FAM178B: variants seen among roughly 807,000 people sequenced by gnomAD.
FAM178B encodes the protein protein FAM178B.
A neutral mutation model predicts 91.7 loss-of-function variants in FAM178B; 82 were observed. The observed-to-expected ratio is 0.89, with a 90% CI of 0.75 to 1.07. The LOEUF (loss-of-function observed/expected upper bound fraction) is 1.07, where lower values mean the gene tolerates loss of function less well. Among genes scored for constraint, FAM178B ranks in the 50% least tolerant of loss-of-function variants. FAM178B has a pLI of 0.00. For missense variants in FAM178B, 769 were observed against 846.7 expected (o/e 0.91, Z 1.14); for synonymous variants, 368 against 359.4 (o/e 1.02, Z -0.27).
At chr2:96,897,689 G>A (rs759372019) in intron 13 of FAM178B, among the ~76,000 whole-genome samples, 4 of 152,164 alleles carry the variant, frequency 2.6e-5, no homozygotes, top group Non-Finnish European at 5.9e-5. Flanking sequence ...TGTTTCTCCA[G>A]GCCAAACCAC....
intron 1 of FAM178B, among the ~76,000 whole-genome samples, chr2:96,978,909 G>A (rs1383372753): frequency 1.3e-5 from 2 of 150,708 alleles, no homozygotes; most frequent in African/African-American, 2.4e-5. Flanking sequence ...ACAGGTGTGA[G>A]CCACTGCACC....
intron 9 of FAM178B, among the ~76,000 whole-genome samples, chr2:96,925,517 A>C (rs1281617947): frequency 1.3e-5 from 2 of 152,200 alleles, no homozygotes; most frequent in African/African-American, 4.8e-5. Context: ...CTGATCCCCG[A>C]AACTCCACCA....
chr2:96,880,417 G>C (rs1037022400), intron 14 of FAM178B, among the ~76,000 whole-genome samples: 1 of 152,294 alleles, frequency 6.6e-6, no homozygotes. Context: ...GTGCCTGGGG[G>C]AGGCAGGTGA....
intron 13 of FAM178B, among the ~76,000 whole-genome samples, chr2:96,901,176 CTTTTTTT>C (rs1195230304): frequency 1.4e-4 from 19 of 132,472 alleles, no homozygotes; most frequent in South Asian, 4.9e-4. Context: ...ATTCTTTTTT[CTTTTTTT>C]TTTTTTTTTT....
chr2:96,967,612 C>T lies in FAM178B; in HGVS notation c.642G>A (p.Glu214=). Residue 214 remains glutamate, a synonymous_variant, in exon 5 of 17, where the codon GAG becomes GAA. Coordinates refer to ENST00000490605, the MANE Select transcript of FAM178B (RefSeq NM_001122646.3). ...LLQEKREQAL[E]QERERLLLQE... The stretch of plus-strand genomic sequence containing the variant: ...GCAGAAGCAGCCTCTCTCGCTCCTG[C>T]TCCAGGGCCTGTTCCCTATAGGAAG... 6.5e-7 allele frequency: 1 copy of T among 1,549,500 alleles called. No homozygotes were observed. The highest frequency in any genetic ancestry group is 8.7e-7 in the Non-Finnish European group (1 of 1,146,490).
intron 8 of FAM178B, 21 bp from the exon 9 acceptor site, chr2:96,929,341 A>G: frequency 6.6e-7 from 1 of 1,519,438 alleles, no homozygotes; most frequent in South Asian, 1.2e-5. Flanking sequence ...AAAAGGGAGC[A>G]GAGAGTTAGA....
chr2:96,889,592 C>T (rs933309536), intron 14 of FAM178B, among the ~76,000 whole-genome samples: 3 of 151,582 alleles, frequency 2.0e-5, no homozygotes, highest in African/African-American at 4.9e-5. Flanking sequence ...GCAGGAGAAT[C>T]GCTTGAACCT....
chr2:96,936,324 C>T lies in FAM178B; in HGVS notation c.1079-7004G>A, dbSNP rs1171725508. On this transcript the variant is annotated intron_variant, in intron 8 of 16. Coordinates refer to ENST00000490605, the MANE Select transcript of FAM178B (RefSeq NM_001122646.3). The stretch of plus-strand genomic sequence containing the variant: ...TCACACCATTCTCCTGCCTCAGCCT[C>T]CCGAGTAGCTGGAACTACAGGCGCC... 2.6e-5 allele frequency among the ~76,000 whole-genome samples: 4 copies of T among 152,116 alleles called. No individual in the cohort carries two copies. In the East Asian group the frequency reaches 5.8e-4, roughly 22 times the overall value.
intron 9 of FAM178B, among the ~76,000 whole-genome samples, chr2:96,926,641 CTCA>C (rs56863751): frequency 0.089 from 13,511 of 152,198 alleles, 1,134 homozygotes; most frequent in African/African-American, 0.23. Context: ...CCTCCCCAGT[CTCA>C]TCATTGAGCA....
At chr2:96,976,895 T>C (rs970009051) in intron 1 of FAM178B, among the ~76,000 whole-genome samples, 4 of 150,906 alleles carry the variant, frequency 2.7e-5, no homozygotes, top group African/African-American at 9.7e-5. Context: ...TAAAACCTTC[T>C]AGAGAAACTC....
intron 5 of FAM178B, among the ~76,000 whole-genome samples, chr2:96,961,775 C>T (rs1356189225): frequency 6.6e-6 from 1 of 152,098 alleles, no homozygotes; most frequent in African/African-American, 2.4e-5. Flanking sequence ...ACCTGTCTCA[C>T]TTTCTGGCCA....
rs1406763480 is a variant in FAM178B, at chr2:96,921,692, G to A, written c.1288-38C>T. The stretch of plus-strand genomic sequence containing the variant: ...AAGAGGGCAGGGGTGGCCAGGGCAT[G>A]GGGGAACGGGAGAGTACTTCGAGGA... On this transcript the variant is annotated intron_variant, in intron 10 of 16. Coordinates refer to ENST00000490605, the MANE Select transcript of FAM178B (RefSeq NM_001122646.3). 2.6e-6 allele frequency: 4 copies of A among 1,543,600 alleles called. No individual in the cohort carries two copies. The African/African-American group carries it at 4.1e-5, about 16-fold the overall frequency.
Position 96,955,130 on chromosome 2 carries a change from C to T in FAM178B, c.888-3646G>A, listed in dbSNP as rs181269571. On this transcript the variant is annotated intron_variant, in intron 6 of 16. Coordinates refer to ENST00000490605, the MANE Select transcript of FAM178B (RefSeq NM_001122646.3). ...CCTGTAATCCCAGCACTTTGGGAGG[C>T]CAAGGCAGGTGGATCACCTGAGGTT... Among the ~76,000 whole-genome samples, 6 of 152,312 alleles carry T rather than the reference C, an allele frequency of 3.9e-5. No homozygotes were observed. The East Asian group carries it at 9.7e-4, about 25-fold the overall frequency.
At position 96,877,884 on chromosome 2, in the gene FAM178B, C is replaced by G; in HGVS notation, c.2007+6G>C. On this transcript the variant is annotated splice_donor_region_variant and intron_variant, in intron 16 of 16. Transcript: ENST00000490605. The stretch of plus-strand genomic sequence containing the variant: ...TCCCAGGTCTGGGGGCTAGAGGGGG[C>G]ACCACCTGGGGCTGGCAGTGGGTCA... The G allele has an allele frequency of 6.2e-7, 1 of 1,612,064 alleles. No homozygotes were observed. Among genetic ancestry groups the G allele is most frequent in the East Asian group, 2.2e-5 (1 of 44,884 alleles).
At chr2:96,942,108 A>C (rs1266456436) in intron 8 of FAM178B, among the ~76,000 whole-genome samples, 1 of 152,242 alleles carries the variant, frequency 6.6e-6, no homozygotes, top group African/African-American at 2.4e-5. Context: ...TCTACTTATA[A>C]CAGCACCAAA....
At chr2:96,919,355 C>A (rs2081294997) in intron 12 of FAM178B, among the ~76,000 whole-genome samples, 2 of 152,150 alleles carry the variant, frequency 1.3e-5, no homozygotes. Context: ...CATGGTAAGG[C>A]AGAGACGTGA....
chr2:96,936,075 G>A (rs958823010), intron 8 of FAM178B, among the ~76,000 whole-genome samples: 10 of 152,098 alleles, frequency 6.6e-5, no homozygotes, highest in Non-Finnish European at 1.3e-4. Flanking sequence ...GTGGGTGGGA[G>A]TGGAGAATGA....
chr2:96,893,949 C>T lies in FAM178B; in HGVS notation c.1753G>A (p.Ala585Thr). The T allele has an allele frequency of 6.2e-7, 1 of 1,612,892 alleles. No individual in the cohort carries two copies. The highest frequency in any genetic ancestry group is 1.1e-5 in the South Asian group (1 of 91,054). ...LPPCQEQQPK[A>T]SAELDHKACY... is the part of the protein sequence containing the mutation. ...ACCTTGTGGTCTAGCTCGGCACTAG[C>T]CTTTGGCTGTTGCTCCTGGCAGGGT... Residue 585 changes from alanine (A) to threonine (T), a missense_variant, in exon 14 of 17, where the codon GCT (alanine) becomes ACT (threonine). By Grantham distance (58) the Ala-to-Thr change is moderately conservative (BLOSUM62 0). Coordinates refer to ENST00000490605, the MANE Select transcript of FAM178B (RefSeq NM_001122646.3).
chr2:96,977,384 CAAAAAAAAAA>C (rs754852439), intron 1 of FAM178B, among the ~76,000 whole-genome samples: 1 of 24,532 alleles, frequency 4.1e-5, no homozygotes, highest in Admixed American at 3.6e-4. Context: ...GACTCCGTCT[CAAAAAAAAAA>C]AAAAAAAAAG....
Sources: gnomAD v4.1 joint callset for allele counts (sites outside exome capture counted in the v4.1 genomes callset) on GRCh38, gnomAD v4.1.1 for gene constraint, MANE v1.5 for transcripts, NCBI Gene and HGNC (gene_info 2026-07-23, HGNC 2026-07-21) for gene names.